SORT1: variants seen among roughly 807,000 people sequenced by gnomAD.
SORT1 encodes sortilin 1.
Under a neutral mutation model 101.7 loss-of-function variants are expected in SORT1, and 39 were observed. The observed-to-expected ratio is 0.38, with a 90% CI of 0.30 to 0.50. The LOEUF (loss-of-function observed/expected upper bound fraction) is 0.50, where lower values mean the gene tolerates loss of function less well. Among genes scored for constraint, SORT1 ranks in the 20% least tolerant of loss-of-function variants. The pLI is 0.90. For synonymous variants in SORT1, 396 were observed against 393.7 expected (o/e 1.01, Z -0.07); for missense variants, 878 against 1,040.4 (o/e 0.84, Z 2.15).
At chr1:109,385,166 T>C (rs1652497030) in intron 1 of SORT1, among the ~76,000 whole-genome samples, 2 of 152,154 alleles carry the variant, frequency 1.3e-5, no homozygotes, top group East Asian at 3.9e-4. Context: ...AAGGCCTTAA[T>C]CCATTCATGA....
chr1:109,371,827 C>T (rs1486003631), intron 1 of SORT1, among the ~76,000 whole-genome samples: 1 of 152,190 alleles, frequency 6.6e-6, no homozygotes, highest in Admixed American at 6.5e-5. Flanking sequence ...CTGTCCCTCC[C>T]ACCCACTCCA....
chr1:109,393,880 A>G (rs1462609979), intron 1 of SORT1, among the ~76,000 whole-genome samples: 3 of 151,596 alleles, frequency 2.0e-5, no homozygotes, highest in African/African-American at 7.3e-5. Context: ...TATTTATACA[A>G]TAATATACAT....
At chr1:109,341,866 G>T in intron 9 of SORT1, 148 bp downstream of exon 9, 2 of 743,684 alleles carry the variant, frequency 2.7e-6, no homozygotes, top group East Asian at 2.5e-5. Context: ...ATTTTTAACA[G>T]GGGCTACAGA....
chr1:109,334,890 A>G (rs897975491), intron 11 of SORT1, among the ~76,000 whole-genome samples: 2 of 152,204 alleles, frequency 1.3e-5, no homozygotes, highest in African/African-American at 4.8e-5. Flanking sequence ...TAACACTCTA[A>G]AAAGGGTTCA....
rs1653282923 is a variant in SORT1 at position 109,397,743 on chromosome 1, C to A, written c.150G>T (p.Trp50Cys). Reference sequence around the variant, plus strand: ...CCCAGCTCACCCCGATGGGGCCAGACCAGCGCGGCAGCGGCGCAGCGGGCG... The same window carrying A: ...CCCAGCTCACCCCGATGGGGCCAGAACAGCGCGGCAGCGGCGCAGCGGGCG... ...PPPPAAPLPR[W>C]SGPIGVSWGL... Residue 50 changes from tryptophan to cysteine, a missense_variant, in exon 1 of 20, where the codon TGG (tryptophan) becomes TGT (cysteine). This residue lies in a region of SORT1 where 194 missense variants were observed against 145.9 expected (regional missense o/e 1.33). Coordinates refer to ENST00000256637, the MANE Select transcript of SORT1 (RefSeq NM_002959.7). The A allele has an allele frequency of 1.7e-6, 2 of 1,198,758 alleles. No homozygotes were observed. Among genetic ancestry groups the A allele is most frequent in the Non-Finnish European group, 2.1e-6 (2 of 966,624 alleles). 74.3% of individuals were successfully genotyped at this position (1,198,758 alleles called of 1,614,324 possible).
intron 3 of SORT1, among the ~76,000 whole-genome samples, chr1:109,359,769 G>A (rs1650585191): frequency 6.6e-6 from 1 of 152,008 alleles, no homozygotes; most frequent in Admixed American, 6.6e-5. Flanking sequence ...CAAAGTGCAG[G>A]GATTACAGGC....
chr1:109,347,583 A>G (rs760814844), intron 6 of SORT1, 51 bp from the exon 7 acceptor site: 2 of 1,301,688 alleles, frequency 1.5e-6, no homozygotes, highest in East Asian at 2.3e-5. Context: ...CTGCTGAAGG[A>G]CTGTGTTGAC....
At chr1:109,345,185 A>G (rs544519055) in intron 8 of SORT1, among the ~76,000 whole-genome samples, 2 of 152,336 alleles carry the variant, frequency 1.3e-5, no homozygotes, top group South Asian at 4.1e-4. Context: ...TGCTTTCTAC[A>G]GATGTCCATT....
rs1429372943 is a variant in SORT1 at position 109,311,588 on chromosome 1, C to G, written c.*2455G>C. The G allele has an allele frequency of 6.6e-6, 1 of 152,224 alleles. No individual in the cohort carries two copies. Among genetic ancestry groups the G allele is most frequent in the Non-Finnish European group, 1.5e-5 (1 of 68,050 alleles). 9.4% of individuals were successfully genotyped at this position (152,224 alleles called of 1,614,324 possible). ...AACCAGGATGGGGAGGGAGACCCAT[C>G]AGTGGAGAGTCCACTCCTGCACTCT... On this transcript the variant is annotated 3_prime_UTR_variant, in exon 20 of 20. Transcript: ENST00000256637.
rs191265174 is a variant in SORT1 at position 109,364,650 on chromosome 1, C to T, written c.440+2758G>A. The stretch of plus-strand genomic sequence containing the variant: ...TAATGCCAGGTGTTAGTAACATTTG[C>T]ATGTTGGCAGGGGCTAGGGGGTGCA... On this transcript the variant is annotated intron_variant, in intron 3 of 19. Transcript: ENST00000256637. Among the ~76,000 whole-genome samples the T allele has an allele frequency of 3.0e-4, 46 of 152,282 alleles. 1 individual carries two copies. Among genetic ancestry groups the T allele is most frequent in the Non-Finnish European group, 4.9e-4 (33 of 68,014 alleles).
intron 7 of SORT1, 37 bp from the exon 8 acceptor site, chr1:109,345,918 A>C (rs1288536989): frequency 6.3e-7 from 1 of 1,584,140 alleles, no homozygotes; most frequent in South Asian, 1.1e-5. Context: ...AATTTCACTT[A>C]CTGGTGAGCC....
At chr1:109,351,436 T>C (rs1649952226) in intron 5 of SORT1, among the ~76,000 whole-genome samples, 1 of 152,148 alleles carries the variant, frequency 6.6e-6, no homozygotes, top group South Asian at 2.1e-4. Context: ...GCACTGAGTT[T>C]TAAATGATGA....
At chr1:109,385,567 G>A (rs1652521509) in intron 1 of SORT1, among the ~76,000 whole-genome samples, 1 of 152,178 alleles carries the variant, frequency 6.6e-6, no homozygotes, top group South Asian at 2.1e-4. Flanking sequence ...CCAGTTGCCA[G>A]CTGACTGAGC....
At chr1:109,367,617 C>G in intron 2 of SORT1, 136 bp from the exon 3 acceptor site, 3 of 545,418 alleles carry the variant, frequency 5.5e-6, no homozygotes. Flanking sequence ...CTAGAAGGAT[C>G]TAGTTACTAG....
At chr1:109,352,310 T>C (rs1042111533) in intron 5 of SORT1, among the ~76,000 whole-genome samples, 5 of 152,010 alleles carry the variant, frequency 3.3e-5, no homozygotes, top group East Asian at 1.9e-4. Context: ...TGGAAGAGAA[T>C]GCTCAGTGAA....
At chr1:109,354,012 A>G (rs1195508252) in intron 5 of SORT1, among the ~76,000 whole-genome samples, 1 of 152,244 alleles carries the variant, frequency 6.6e-6, no homozygotes, top group Non-Finnish European at 1.5e-5. Context: ...ATGTTGTTTG[A>G]TCATAGAAAA....
intron 10 of SORT1, among the ~76,000 whole-genome samples, chr1:109,340,280 T>A (rs1011119290): frequency 6.6e-6 from 1 of 151,780 alleles, no homozygotes; most frequent in Non-Finnish European, 1.5e-5. Flanking sequence ...TGAAACAATA[T>A]GCAAAATGAA....
intron 13 of SORT1, among the ~76,000 whole-genome samples, chr1:109,326,536 TACATATATATAC>T (rs1184772639): frequency 1.4e-5 from 2 of 143,798 alleles, no homozygotes; most frequent in African/African-American, 2.6e-5. Flanking sequence ...CACATATATA[TACATATATATAC>T]ACATATATAT....
At chr1:109,385,411 A>C (rs563727452) in intron 1 of SORT1, among the ~76,000 whole-genome samples, 1 of 152,364 alleles carries the variant, frequency 6.6e-6, no homozygotes, top group Non-Finnish European at 1.5e-5. Flanking sequence ...AACCTTTGGC[A>C]CTTATAAAAG....
Sources: gnomAD v4.1 joint callset for allele counts (sites outside exome capture counted in the v4.1 genomes callset) on GRCh38, gnomAD v4.1.1 for gene constraint, gnomAD v4.1.1 regional missense constraint, MANE v1.5 for transcripts, NCBI Gene and HGNC (gene_info 2026-07-23, HGNC 2026-07-21) for gene names.